DIPK1A: variants seen among roughly 807,000 people sequenced by gnomAD.
The protein encoded by DIPK1A is family with sequence similarity 69 member A.
DIPK1A carries 27 observed loss-of-function variants against 40.8 expected under a neutral mutation model. That is an observed-to-expected ratio of 0.66 (90% CI 0.49 to 0.91). The LOEUF (loss-of-function observed/expected upper bound fraction) is 0.91. Ranked by LOEUF, DIPK1A falls within the 40% of genes least tolerant of loss-of-function variation. DIPK1A has a pLI of 0.00. For synonymous variants in DIPK1A, 166 were observed against 171.3 expected, an observed-to-expected ratio of 0.97 and a Z score of 0.24; for missense variants, 412 against 505.7, an observed-to-expected ratio of 0.81 and a Z score of 1.78.
intron 1 of DIPK1A, chr1:92,932,893 A>G (rs915113827): frequency 1.3e-5 from 2 of 152,220 alleles, no homozygotes; most frequent in African/African-American, 4.8e-5. Flanking sequence ...AACCCAAAGA[A>G]TGTACATCAA....
At chr1:92,856,363 C>T (rs941063943) in intron 2 of DIPK1A, among the ~76,000 whole-genome samples, 4 of 150,958 alleles carry the variant, frequency 2.6e-5, no homozygotes, top group African/African-American at 7.3e-5. Flanking sequence ...ATGTTTCCTT[C>T]CAAAGAAAGC....
intron 2 of DIPK1A, among the ~76,000 whole-genome samples, chr1:92,861,321 C>CTTTTTTTTTTT (rs71230876): frequency 7.2e-5 from 6 of 83,546 alleles, no homozygotes; most frequent in Non-Finnish European, 1.1e-4. Context: ...CTCTCTCTCT[C>CTTTTTTTTTTT]TTTTTTTTTT....
At chr1:92,834,532 C>T (rs1168020175) in intron 4 of DIPK1A, among the ~76,000 whole-genome samples, 1 of 152,148 alleles carries the variant, frequency 6.6e-6, no homozygotes, top group African/African-American at 2.4e-5. Flanking sequence ...GATAACTAAA[C>T]GTTAGGTTCC....
intron 2 of DIPK1A, among the ~76,000 whole-genome samples, chr1:92,866,051 G>A (rs1330040308): frequency 6.6e-6 from 1 of 152,094 alleles, no homozygotes; most frequent in Non-Finnish European, 1.5e-5. Context: ...GGAATTCTCT[G>A]GTCTAGTGTT....
intron 1 of DIPK1A, among the ~76,000 whole-genome samples, chr1:92,891,743 G>A (rs527965996): frequency 6.6e-6 from 1 of 152,294 alleles, no homozygotes; most frequent in East Asian, 1.9e-4. Context: ...AGGGGTCAGG[G>A]AATTCCCTTT....
At position 92,959,902 on chromosome 1, in the gene DIPK1A, ACTTT is replaced by A. The variant is rs139440671; in HGVS notation, c.54+1470_54+1473del. 1.4e-3 allele frequency among the ~76,000 whole-genome samples: 61 copies of A among 43,094 alleles called. 2 individuals are homozygous for A. Among genetic ancestry groups the A allele is most frequent in the South Asian group, 1.9e-3 (2 of 1,046 alleles). The allele number at this position is 43,094 out of a possible 152,430, so 28.3% of individuals were successfully genotyped here. A position where few individuals can be genotyped will look rare whatever the true frequency, so the allele number is the denominator to read the frequency against. On this transcript the variant is annotated intron_variant, in intron 1 of 4. Transcript: ENST00000370310. ...AGCTGGGACCACAGGCACCCAACCA[ACTTT>A]TTTTTTTTTTTTTTTTTTTTTGTAT...
At chr1:92,859,578 T>C (rs1557456829) in intron 2 of DIPK1A, among the ~76,000 whole-genome samples, 1 of 152,246 alleles carries the variant, frequency 6.6e-6, no homozygotes, top group Non-Finnish European at 1.5e-5. Context: ...TGGCTAGAGC[T>C]GTAATCAGGA....
chr1:92,879,933 T>C (rs1172272828), intron 1 of DIPK1A, among the ~76,000 whole-genome samples: 2 of 152,250 alleles, frequency 1.3e-5, no homozygotes, highest in Non-Finnish European at 2.9e-5. Context: ...AGTAATGGTA[T>C]GTTGCTTTTT....
At chr1:92,912,600 A>G (rs1649874605) in intron 1 of DIPK1A, among the ~76,000 whole-genome samples, 1 of 152,138 alleles carries the variant, frequency 6.6e-6, no homozygotes, top group Admixed American at 6.5e-5. Context: ...AGACCCACAT[A>G]CCCTCTTATC....
intron 3 of DIPK1A, among the ~76,000 whole-genome samples, chr1:92,849,095 T>C (rs1330403082): frequency 2.0e-5 from 3 of 152,188 alleles, no homozygotes; most frequent in Non-Finnish European, 4.4e-5. Flanking sequence ...CCCATGCCTA[T>C]GAATTTTTTA....
intron 1 of DIPK1A, among the ~76,000 whole-genome samples, chr1:92,898,475 A>G (rs1436961515): frequency 1.3e-5 from 2 of 152,110 alleles, no homozygotes; most frequent in Non-Finnish European, 2.9e-5. Context: ...TTTGGAGGGG[A>G]CAAACATTCA....
chr1:92,944,450 G>A (rs1041978650), intron 1 of DIPK1A, among the ~76,000 whole-genome samples: 3 of 152,136 alleles, frequency 2.0e-5, no homozygotes, highest in East Asian at 3.9e-4. Flanking sequence ...CAGAGATCCT[G>A]AACAGGAAAA....
chr1:92,865,384 C>A (rs140833116), intron 2 of DIPK1A, among the ~76,000 whole-genome samples: 5 of 151,838 alleles, frequency 3.3e-5, no homozygotes, highest in Admixed American at 6.6e-5. Flanking sequence ...AAAAAAGCAA[C>A]CCCTCCTCCA....
chr1:92,871,609 C>T (rs563965179), intron 2 of DIPK1A, among the ~76,000 whole-genome samples: 1 of 152,272 alleles, frequency 6.6e-6, no homozygotes, highest in South Asian at 2.1e-4. Flanking sequence ...TTTTATCCTA[C>T]TCTGCAATAT....
At chr1:92,841,983 G>A, downstream of DIPK1A, 2 of 925,820 alleles carry the variant, frequency 2.2e-6, no homozygotes, top group African/African-American at 1.7e-5. Context: ...AAATATTTTG[G>A]AAAAGCAAAG....
intron 1 of DIPK1A, among the ~76,000 whole-genome samples, chr1:92,885,371 TA>T (rs1648550276): frequency 6.6e-6 from 1 of 152,148 alleles, no homozygotes; most frequent in African/African-American, 2.4e-5. Flanking sequence ...AGTGACTATC[TA>T]ATTCATTTTT....
chr1:92,860,346 G>A (rs970624341), intron 2 of DIPK1A, among the ~76,000 whole-genome samples: 2 of 152,006 alleles, frequency 1.3e-5, no homozygotes, highest in Admixed American at 6.5e-5. Context: ...AAGTGCCCAC[G>A]CTGGCCTAAG....
At chr1:92,883,425 C>G (rs1445584417) in intron 1 of DIPK1A, among the ~76,000 whole-genome samples, 1 of 152,202 alleles carries the variant, frequency 6.6e-6, no homozygotes, top group Non-Finnish European at 1.5e-5. Flanking sequence ...AACAAACCAT[C>G]TAAAAACTTG....
intron 1 of DIPK1A, among the ~76,000 whole-genome samples, chr1:92,890,959 A>C (rs1315147481): frequency 6.6e-6 from 1 of 152,082 alleles, no homozygotes; most frequent in Non-Finnish European, 1.5e-5. Context: ...ATGATAGGAA[A>C]CATTTTATTA....
Sources: allele counts gnomAD v4.1 joint callset (sites outside exome capture counted in the v4.1 genomes callset), GRCh38; gene constraint gnomAD v4.1.1; transcripts MANE v1.5; gene names NCBI Gene and HGNC (gene_info 2026-07-23, HGNC 2026-07-21).